LMBR1: variants seen among roughly 807,000 people sequenced by gnomAD.
The protein encoded by LMBR1 is limb development membrane protein 1.
Under a neutral mutation model 73.9 loss-of-function variants are expected in LMBR1, and 52 were observed. The observed-to-expected ratio is 0.70, with a 90% CI of 0.56 to 0.89. The LOEUF (loss-of-function observed/expected upper bound fraction) is 0.89, where lower values mean the gene tolerates loss of function less well. Among genes scored for constraint, LMBR1 ranks in the 40% least tolerant of loss-of-function variants. The probability of loss-of-function intolerance (pLI) is 0.00; values close to 1 mark genes in which losing one functional copy is unlikely to be tolerated. For missense variants in LMBR1, 539 were observed against 579.8 expected, an observed-to-expected ratio of 0.93 and a Z score of 0.72; for synonymous variants, 215 against 209.4, an observed-to-expected ratio of 1.03 and a Z score of -0.23.
intron 15 of LMBR1, among the ~76,000 whole-genome samples, chr7:156,691,401 T>A (rs918704551): frequency 1.3e-5 from 2 of 152,208 alleles, no homozygotes; most frequent in African/African-American, 4.8e-5. Context: ...TATGCATAAT[T>A]CCTTGAATAA....
chr7:156,676,425 C>T (rs1389511127), downstream of LMBR1: 15 of 1,613,946 alleles, frequency 9.3e-6, no homozygotes, highest in East Asian at 4.5e-5. Context: ...GCAGGCTCTG[C>T]GCCGGGAGAC....
At chr7:156,861,118 G>A (rs988106281) in intron 1 of LMBR1, among the ~76,000 whole-genome samples, 6 of 152,228 alleles carry the variant, frequency 3.9e-5, no homozygotes, top group African/African-American at 1.4e-4. Context: ...CCTAGCGGAG[G>A]TTCTCCATGA....
At chr7:156,676,193 T>C, downstream of LMBR1, 2 of 1,357,730 alleles carry the variant, frequency 1.5e-6, no homozygotes, top group Non-Finnish European at 2.0e-6. Context: ...TTATCACAGG[T>C]GGGTTACTAA....
chr7:156,783,524 A>C (rs1276662705), intron 5 of LMBR1, among the ~76,000 whole-genome samples: 1 of 152,124 alleles, frequency 6.6e-6, no homozygotes, highest in East Asian at 1.9e-4. Context: ...GTTTCCATAA[A>C]GGCTTTAAAT....
rs779179620 is a variant in LMBR1, at chr7:156,708,034, T to TAA, written c.1225+16076_1225+16077dup. 5.6e-3 allele frequency among the ~76,000 whole-genome samples: 649 copies of TAA among 114,886 alleles called. 6 individuals are homozygous for TAA. Among genetic ancestry groups the TAA allele is most frequent in the African/African-American group, 0.017 (517 of 30,934 alleles). The allele number at this position is 114,886 out of a possible 152,430, so 75.4% of individuals were successfully genotyped here. ...TACAAAAACCAGTTGCATTTCTATA[T>TAA]AAAAAAAAAAAAAAACTACTATCTA... On this transcript the variant is annotated intron_variant, in intron 15 of 16. Transcript: ENST00000353442.
intron 15 of LMBR1, among the ~76,000 whole-genome samples, chr7:156,697,138 A>G (rs1190647743): frequency 1.3e-5 from 2 of 152,004 alleles, no homozygotes. Context: ...TGCCCACCTG[A>G]GCCTCAAAAC....
At chr7:156,806,334 G>A (rs111791807) in intron 4 of LMBR1, among the ~76,000 whole-genome samples, 4,843 of 152,168 alleles carry the variant, frequency 0.032, 125 homozygotes, top group South Asian at 0.085. Flanking sequence ...CTATCCTGCA[G>A]CCTTGAAGAA....
chr7:156,886,147 T>G (rs1443781562), intron 1 of LMBR1, among the ~76,000 whole-genome samples: 1 of 152,078 alleles, frequency 6.6e-6, no homozygotes, highest in East Asian at 1.9e-4. Flanking sequence ...CATTCCAGCC[T>G]GAGTGACGGA....
At chr7:156,858,357 T>C (rs144282289) in intron 1 of LMBR1, among the ~76,000 whole-genome samples, 2,805 of 152,282 alleles carry the variant, frequency 0.018, 35 homozygotes, top group Non-Finnish European at 0.031. Context: ...TTCAAAGACA[T>C]AATCTACCAA....
chr7:156,844,263 G>A (rs1839222059), intron 1 of LMBR1, among the ~76,000 whole-genome samples: 1 of 152,098 alleles, frequency 6.6e-6, no homozygotes, highest in East Asian at 1.9e-4. Flanking sequence ...GAAGCAGGTT[G>A]CAGTGACCCA....
rs1006195872 is a variant in LMBR1, at chr7:156,762,748, G to A, written c.619+360C>T. Among the ~76,000 whole-genome samples the A allele has an allele frequency of 3.9e-5, 6 of 152,112 alleles. No homozygotes were observed. In the South Asian group the frequency reaches 1.2e-3, roughly 32 times the overall value. The stretch of plus-strand genomic sequence containing the variant: ...AATCTAGCATTATGACAGGTATGGG[G>A]GTGAGGCTATAGCATGTGTGTATGA... On this transcript the variant is annotated intron_variant, in intron 7 of 16. Coordinates refer to ENST00000353442, the MANE Select transcript of LMBR1 (RefSeq NM_022458.4).
intron 1 of LMBR1, among the ~76,000 whole-genome samples, chr7:156,845,675 G>C (rs947631741): frequency 6.6e-6 from 1 of 151,852 alleles, no homozygotes; most frequent in Non-Finnish European, 1.5e-5. Flanking sequence ...TAAGAGACAG[G>C]GTTTTGCTCT....
At chr7:156,762,314 T>A in intron 7 of LMBR1, 116 bp from the exon 8 acceptor site, 1 of 682,140 alleles carries the variant, frequency 1.5e-6, no homozygotes, top group South Asian at 1.9e-5. Flanking sequence ...TTAAGAACAT[T>A]CTTCTCTCCA....
intron 1 of LMBR1, among the ~76,000 whole-genome samples, chr7:156,841,777 A>C (rs541769375): frequency 6.6e-6 from 1 of 152,226 alleles, no homozygotes; most frequent in East Asian, 1.9e-4. Flanking sequence ...AGAAAGAAGA[A>C]TAGTTGGAAA....
intron 1 of LMBR1, among the ~76,000 whole-genome samples, chr7:156,837,792 T>A (rs1353758829): frequency 6.6e-6 from 1 of 150,958 alleles, no homozygotes; most frequent in Non-Finnish European, 1.5e-5. Context: ...TTTGCTTTTT[T>A]TTTTTTTTTT....
At chr7:156,677,241 G>A (rs549321162), downstream of LMBR1, 1 of 152,432 alleles carries the variant, frequency 6.6e-6, no homozygotes, top group Admixed American at 6.5e-5. Context: ...TACTATTACT[G>A]GGAGCTTGGT....
chr7:156,705,059 G>C lies in LMBR1; in HGVS notation c.1226-16868C>G, dbSNP rs182672248. Among the ~76,000 whole-genome samples, 222 of 152,310 alleles carry C rather than the reference G, an allele frequency of 1.5e-3. 2 individuals carry two copies. The highest frequency in any genetic ancestry group is 6.8e-3 in the Middle Eastern group (2 of 294). ...TGAAAAGATCCCAAGTATAGCAAGA[G>C]ATTTAGACATCCAAATACAGGAGGT... On this transcript the variant is annotated intron_variant, in intron 15 of 16. Transcript: ENST00000353442.
At chr7:156,741,501 C>T (rs894474855) in intron 9 of LMBR1, among the ~76,000 whole-genome samples, 1 of 152,014 alleles carries the variant, frequency 6.6e-6, no homozygotes, top group African/African-American at 2.4e-5. Flanking sequence ...ACAGGAGTAG[C>T]TATACTTATA....
Position 156,891,652 on chromosome 7 carries a change from A to G in LMBR1, c.66+1276T>C, listed in dbSNP as rs545050806. 4.9e-4 allele frequency among the ~76,000 whole-genome samples: 74 copies of G among 152,282 alleles called. 1 individual carries two copies. Among genetic ancestry groups the G allele is most frequent in the African/African-American group, 1.6e-3 (67 of 41,568 alleles). On this transcript the variant is annotated intron_variant, in intron 1 of 16. Transcript: ENST00000353442. Reference sequence around the variant, plus strand: ...ATAATGGTAGAGATGGGGATTCACTATGTTGCCCAGGCTGACCAGTCTCAA... The same window carrying G: ...ATAATGGTAGAGATGGGGATTCACTGTGTTGCCCAGGCTGACCAGTCTCAA...
Sources: gnomAD v4.1 joint callset for allele counts (sites outside exome capture counted in the v4.1 genomes callset) on GRCh38, gnomAD v4.1.1 for gene constraint, MANE v1.5 for transcripts, NCBI Gene and HGNC (gene_info 2026-07-23, HGNC 2026-07-21) for gene names.